Variants in CWF19L2 observed in about 807,000 individuals in gnomAD.
CWF19L2 encodes CWF19-like protein 2.
CWF19L2 carries 98 observed loss-of-function variants against 111.7 expected under a neutral mutation model. The ratio of observed to expected loss-of-function variants is 0.88; its 90% CI spans 0.75 to 1.04. The LOEUF is 1.04. CWF19L2 is among the 50% of genes least tolerant of loss of function. The pLI is 0.00. For missense variants in CWF19L2, 1,101 were observed against 1,051.4 expected, an observed-to-expected ratio of 1.05 and a Z score of -0.65; for synonymous variants, 351 against 342.9, an observed-to-expected ratio of 1.02 and a Z score of -0.26.
intron 12 of CWF19L2, among the ~76,000 whole-genome samples, chr11:107,382,569 T>C (rs751484645): frequency 2.6e-5 from 4 of 152,214 alleles, no homozygotes; most frequent in African/African-American, 4.8e-5. Context: ...AGTTACTATA[T>C]ACCTATTATG....
intron 11 of CWF19L2, 54 bp downstream of exon 11, chr11:107,392,725 C>A: frequency 9.2e-7 from 1 of 1,088,982 alleles, no homozygotes; most frequent in Non-Finnish European, 1.3e-6. Flanking sequence ...AAAGAAAGCC[C>A]CAAGGGGAAG....
chr11:107,401,548 G>A (rs1861000053), intron 10 of CWF19L2, among the ~76,000 whole-genome samples: 2 of 151,960 alleles, frequency 1.3e-5, no homozygotes. Flanking sequence ...CCTCTACAAG[G>A]AAAACTACAA....
intron 8 of CWF19L2, among the ~76,000 whole-genome samples, chr11:107,421,559 C>G (rs1315709289): frequency 1.3e-5 from 2 of 151,960 alleles, no homozygotes; most frequent in South Asian, 4.1e-4. Context: ...AAGCACTTTA[C>G]AAAAAGATAT....
At chr11:107,362,951 G>T (rs1860378937) in intron 12 of CWF19L2, among the ~76,000 whole-genome samples, 1 of 151,858 alleles carries the variant, frequency 6.6e-6, no homozygotes, top group Non-Finnish European at 1.5e-5. Context: ...TGTATAACTA[G>T]AACAACCAAT....
intron 11 of CWF19L2, 134 bp from the exon 12 acceptor site, chr11:107,390,345 C>T (rs1393684175): frequency 4.1e-6 from 3 of 730,128 alleles, no homozygotes; most frequent in Non-Finnish European, 6.4e-6. Context: ...CCAGTTTATC[C>T]CTAGTCTGCC....
intron 16 of CWF19L2, among the ~76,000 whole-genome samples, chr11:107,331,218 G>C (rs1859845547): frequency 1.3e-5 from 2 of 152,128 alleles, no homozygotes; most frequent in Non-Finnish European, 2.9e-5. Flanking sequence ...GGCTCCAATT[G>C]CAACTCTGAT....
intron 12 of CWF19L2, among the ~76,000 whole-genome samples, chr11:107,362,241 G>A (rs985948205): frequency 3.9e-5 from 6 of 152,132 alleles, no homozygotes; most frequent in African/African-American, 1.4e-4. Flanking sequence ...CAGCGAGGCA[G>A]GGGGAAGGGG....
rs1347522827 is a variant in CWF19L2 at position 107,374,119 on chromosome 11, G to C, written c.1872+15955C>G. 4.1e-4 allele frequency among the ~76,000 whole-genome samples: 56 copies of C among 135,874 alleles called. 8 individuals are homozygous for C. The highest frequency in any genetic ancestry group is 6.6e-4 in the Non-Finnish European group (42 of 63,944). 89.1% of individuals were successfully genotyped at this position (135,874 alleles called of 152,430 possible). On this transcript the variant is annotated intron_variant, in intron 12 of 17. Transcript: ENST00000282251. ...AAGCCTCCAAGAAATATGGGACTAT[G>C]TGAAAAGACCAAATCTACGTCGGAT... is the stretch of plus-strand genomic sequence containing the variant.
At chr11:107,385,322 C>CAAAA (rs11393267) in intron 12 of CWF19L2, among the ~76,000 whole-genome samples, 4 of 148,894 alleles carry the variant, frequency 2.7e-5, no homozygotes, top group African/African-American at 9.9e-5. Flanking sequence ...TTAAATAATA[C>CAAAA]AAAAAAAAAA....
chr11:107,354,356 A>G (rs990453046), intron 12 of CWF19L2, among the ~76,000 whole-genome samples: 1 of 152,210 alleles, frequency 6.6e-6, no homozygotes, highest in African/African-American at 2.4e-5. Context: ...CAAAATGACC[A>G]TGGTAAAGTT....
chr11:107,426,261 C>A (rs1861374881), intron 8 of CWF19L2, among the ~76,000 whole-genome samples: 1 of 151,668 alleles, frequency 6.6e-6, no homozygotes, highest in Non-Finnish European at 1.5e-5. Flanking sequence ...GCAAACTTCA[C>A]TCATATTTAA....
chr11:107,328,745 T>C (rs115905728), intron 17 of CWF19L2, among the ~76,000 whole-genome samples: 1,529 of 152,310 alleles, frequency 0.01, 21 homozygotes, highest in African/African-American at 0.035. Context: ...TTTTCTGTTT[T>C]TGTTTTTAAT....
intron 10 of CWF19L2, among the ~76,000 whole-genome samples, chr11:107,393,937 T>A (rs1443532706): frequency 6.6e-6 from 1 of 152,156 alleles, no homozygotes; most frequent in Non-Finnish European, 1.5e-5. Flanking sequence ...ACAATTTTTA[T>A]TATTCAGGTG....
intron 10 of CWF19L2, among the ~76,000 whole-genome samples, chr11:107,411,040 T>A (rs1861148982): frequency 6.6e-6 from 1 of 151,790 alleles, no homozygotes; most frequent in Non-Finnish European, 1.5e-5. Context: ...AATCTCAGGC[T>A]TAGGTCTATG....
At chr11:107,329,206 T>C (rs1323744790) in intron 17 of CWF19L2, among the ~76,000 whole-genome samples, 3 of 152,164 alleles carry the variant, frequency 2.0e-5, no homozygotes, top group African/African-American at 7.2e-5. Flanking sequence ...CTTTTGACTG[T>C]TTCAGTTGCT....
intron 3 of CWF19L2, among the ~76,000 whole-genome samples, chr11:107,453,626 G>C (rs1369297300): frequency 6.6e-6 from 1 of 151,558 alleles, no homozygotes; most frequent in Non-Finnish European, 1.5e-5. Flanking sequence ...GGTGGCTATG[G>C]GGAGAGCCTC....
chr11:107,363,061 G>A (rs1342697247), intron 12 of CWF19L2, among the ~76,000 whole-genome samples: 3 of 152,158 alleles, frequency 2.0e-5, no homozygotes, highest in Non-Finnish European at 4.4e-5. Flanking sequence ...TCAACTGGAA[G>A]AAAGGGTATC....
At chr11:107,427,051 A>G (rs1433825187) in intron 8 of CWF19L2, among the ~76,000 whole-genome samples, 1 of 152,058 alleles carries the variant, frequency 6.6e-6, no homozygotes, top group East Asian at 1.9e-4. Flanking sequence ...GGTGTAAATA[A>G]CAAGAAAGGT....
Position 107,416,237 on chromosome 11 carries a change from G to T in CWF19L2, c.1589C>A (p.Thr530Lys), listed in dbSNP as rs1308476645. The T allele has an allele frequency of 2.0e-6, 3 of 1,479,114 alleles. No homozygotes were observed. The highest frequency in any genetic ancestry group is 9.1e-7 in the Non-Finnish European group (1 of 1,104,510). 91.6% of individuals were successfully genotyped at this position (1,479,114 alleles called of 1,614,324 possible). Residue 530 changes from threonine to lysine, a missense_variant, in exon 10 of 18, where the codon ACA (threonine) becomes AAA (lysine). Transcript: ENST00000282251. ...TACCCCAGATTTTTTTGGTATCTGT[G>T]TTATAGTTTCTTTGAATTTATTTGC... ...EKANKFKETI[T>K]QIPKKSGVEN... is the part of the protein sequence containing the mutation.
Sources: gnomAD v4.1 joint callset for allele counts (sites outside exome capture counted in the v4.1 genomes callset) on GRCh38, gnomAD v4.1.1 for gene constraint, MANE v1.5 for transcripts, NCBI Gene and HGNC (gene_info 2026-07-23, HGNC 2026-07-21) for gene names.